Variants in HNRNPUL1 observed in about 807,000 individuals in gnomAD.
HNRNPUL1 encodes heterogeneous nuclear ribonucleoprotein U-like protein 1.
HNRNPUL1 carries 14 observed loss-of-function variants against 108.5 expected under a neutral mutation model. That is an observed-to-expected ratio of 0.13 (90% CI 0.09 to 0.20). The LOEUF (loss-of-function observed/expected upper bound fraction) is 0.20. Among genes scored for constraint, HNRNPUL1 ranks in the 10% least tolerant of loss-of-function variants. HNRNPUL1 has a pLI of 1.00. For synonymous variants in HNRNPUL1, 422 were observed against 445.2 expected, an observed-to-expected ratio of 0.95 and a Z score of 0.66; for missense variants, 804 against 1,168.3, an observed-to-expected ratio of 0.69 and a Z score of 4.55.
upstream of HNRNPUL1, chr19:41,264,279 C>T (rs1415815540): frequency 2.5e-6 from 1 of 399,900 alleles, no homozygotes; most frequent in Non-Finnish European, 4.4e-6. Flanking sequence ...GCTAGGTTTC[C>T]GGGCCCGCGC....
intron 7 of HNRNPUL1, among the ~76,000 whole-genome samples, chr19:41,281,933 C>A (rs1434772687): frequency 1.3e-5 from 2 of 152,174 alleles, no homozygotes; most frequent in Admixed American, 1.3e-4. Context: ...AATCTTTGCA[C>A]CTACCTCAGA....
In HNRNPUL1 at chr19:41,274,652, CA is replaced by C. The variant is rs571730716; in HGVS notation, c.646+599del. Among the ~76,000 whole-genome samples, 62 of 152,292 alleles carry C rather than the reference CA, an allele frequency of 4.1e-4. 2 individuals carry two copies. The South Asian group carries it at 9.8e-3, about 24-fold the overall frequency. ...GGTCCTTTCGCTCAGACCTCCTAGTCAAGAGTCTAAGTGGTCGAGCCTATGA... is the reference window on the plus strand; with the variant it reads ...GGTCCTTTCGCTCAGACCTCCTAGTCAGAGTCTAAGTGGTCGAGCCTATGA... On this transcript the variant is annotated intron_variant, in intron 4 of 14. Coordinates refer to ENST00000392006, the MANE Select transcript of HNRNPUL1 (RefSeq NM_007040.6).
chr19:41,280,921 GCAGAGTT>G, intron 6 of HNRNPUL1: 1 of 462,968 alleles, frequency 2.2e-6, no homozygotes, highest in Non-Finnish European at 4.0e-6. Context: ...TCCCCTCTGT[GCAGAGTT>G]ATTCAGTTGA....
At chr19:41,288,873 G>A (rs529551745) in intron 7 of HNRNPUL1, among the ~76,000 whole-genome samples, 1 of 152,180 alleles carries the variant, frequency 6.6e-6, no homozygotes, top group South Asian at 2.1e-4. Flanking sequence ...GATCTCCTGT[G>A]CAATTTAGCC....
chr19:41,271,442 C>G (rs976571818), intron 2 of HNRNPUL1, among the ~76,000 whole-genome samples: 1 of 152,128 alleles, frequency 6.6e-6, no homozygotes, highest in Non-Finnish European at 1.5e-5. Context: ...GGTCCACATG[C>G]CGAAGCTGGG....
chr19:41,293,158 A>T (rs1173832123), intron 8 of HNRNPUL1, among the ~76,000 whole-genome samples: 1 of 152,186 alleles, frequency 6.6e-6, no homozygotes, highest in Non-Finnish European at 1.5e-5. Context: ...TCTTAAAACA[A>T]TATTTTTCTT....
rs1202777374 is a variant in HNRNPUL1, at chr19:41,264,425, T to G, written c.-79T>G. 8 of 1,201,362 alleles carry G rather than the reference T, an allele frequency of 6.7e-6. No individual in the cohort carries two copies. In the African/African-American group the frequency reaches 1.3e-4, roughly 19 times the overall value. 74.4% of individuals were successfully genotyped at this position (1,201,362 alleles called of 1,614,324 possible). On this transcript the variant is annotated 5_prime_UTR_variant, in exon 1 of 15. Transcript: ENST00000392006. ...GGCCCCCCCCCTTTCCCCCTTCGCCTCCTGACAGGAAAGGTTTAAGGGGGA... is the reference window on the plus strand; with the variant it reads ...GGCCCCCCCCCTTTCCCCCTTCGCCGCCTGACAGGAAAGGTTTAAGGGGGA...
rs760928638 is a variant in HNRNPUL1 at position 41,302,960 on chromosome 19, TCA to T, written c.1972+18_1972+19del. 3.9e-6 allele frequency: 6 copies of T among 1,519,484 alleles called. No individual in the cohort carries two copies. Among genetic ancestry groups the T allele is most frequent in the South Asian group, 1.3e-5 (1 of 75,264 alleles). The allele number at this position is 1,519,484 out of a possible 1,614,324, so 94.1% of individuals were successfully genotyped here. On this transcript the variant is annotated intron_variant, in intron 12 of 14. Transcript: ENST00000392006. The stretch of plus-strand genomic sequence containing the variant: ...GCAACTACCGAGGAGGTGAGACATC[TCA>T]CACACAGCACTCTCCACTTTCTGTT...
chr19:41,305,813 G>T lies in HNRNPUL1; in HGVS notation c.2400G>T (p.Pro800=). 2 of 1,237,246 alleles carry T rather than the reference G, an allele frequency of 1.6e-6. No individual in the cohort carries two copies. Among genetic ancestry groups the T allele is most frequent in the Non-Finnish European group, 2.3e-6 (2 of 875,432 alleles). 76.6% of individuals were successfully genotyped at this position (1,237,246 alleles called of 1,614,324 possible). The change falls in exon 14 of 15, where the codon CCG becomes CCT. Residue 800 remains proline (P), a synonymous_variant. Coordinates refer to ENST00000392006, the MANE Select transcript of HNRNPUL1 (RefSeq NM_007040.6). Reference sequence around the variant, plus strand: ...ACAACCCGGCCCCCTATACCCCACCGCCACCCCCCACTGCACAGACCTACC... The same window carrying T: ...ACAACCCGGCCCCCTATACCCCACCTCCACCCCCCACTGCACAGACCTACC... The part of the protein sequence containing the change: ...GGYNPAPYTP[P]PPPTAQTYPQ...
At chr19:41,282,726 G>A (rs1186678164) in intron 7 of HNRNPUL1, among the ~76,000 whole-genome samples, 1 of 134,430 alleles carries the variant, frequency 7.4e-6, no homozygotes, top group African/African-American at 2.8e-5. Flanking sequence ...GTCTCGCTCT[G>A]TCGCCCAGGC....
Position 41,279,190 on chromosome 19 carries a change from A to G in HNRNPUL1, c.886+14A>G, listed in dbSNP as rs1191495869. On this transcript the variant is annotated intron_variant, in intron 6 of 14. Coordinates refer to ENST00000392006, the MANE Select transcript of HNRNPUL1 (RefSeq NM_007040.6). ...GCACCCAGCTAGGTAAGGAGGGGTC[A>G]GCTATGCAGTCCAGAGAATAGAGTG... 1.3e-6 allele frequency: 2 copies of G among 1,563,396 alleles called. No individual in the cohort carries two copies. The highest frequency in any genetic ancestry group is 1.8e-6 in the Non-Finnish European group (2 of 1,136,280).
chr19:41,290,087 G>C (rs955789316), intron 7 of HNRNPUL1, among the ~76,000 whole-genome samples: 14 of 152,146 alleles, frequency 9.2e-5, no homozygotes, highest in Non-Finnish European at 1.5e-5. Flanking sequence ...GCTGTGCCCT[G>C]TGAGCACTGA....
chr19:41,270,593 CTT>C (rs71177707), intron 2 of HNRNPUL1, among the ~76,000 whole-genome samples: 7 of 118,822 alleles, frequency 5.9e-5, no homozygotes, highest in Non-Finnish European at 5.0e-5. Flanking sequence ...TCTCCCTTCC[CTT>C]TTTTTTTTTT....
At chr19:41,282,351 T>A (rs2122660697) in intron 7 of HNRNPUL1, among the ~76,000 whole-genome samples, 1 of 152,138 alleles carries the variant, frequency 6.6e-6, no homozygotes, top group Admixed American at 6.5e-5. Context: ...CCCAACTAAT[T>A]TTGTATTTTT....
chr19:41,292,640 A>G lies in HNRNPUL1; in HGVS notation c.1266+129A>G, dbSNP rs2036657069. 3 of 1,157,892 alleles carry G rather than the reference A, an allele frequency of 2.6e-6. No individual in the cohort carries two copies. Among genetic ancestry groups the G allele is most frequent in the Non-Finnish European group, 2.5e-6 (2 of 799,168 alleles). 71.7% of individuals were successfully genotyped at this position (1,157,892 alleles called of 1,614,324 possible). ...AGTGGCCACTTTGTCCCAGCTCCTC[A>G]GGGTTGGACTCAGAGCTGAAAAGCT... On this transcript the variant is annotated intron_variant, in intron 8 of 14. Coordinates refer to ENST00000392006, the MANE Select transcript of HNRNPUL1 (RefSeq NM_007040.6). This position sits in a 1 kb window ranked among gnomAD's most constrained non-coding sequence, Gnocchi z 4.1.
rs775660344 is a variant in HNRNPUL1 at position 41,306,600 on chromosome 19, C to T, written c.*35C>T. 25 of 1,356,594 alleles carry T rather than the reference C, an allele frequency of 1.8e-5. No individual in the cohort carries two copies. Among genetic ancestry groups the T allele is most frequent in the African/African-American group, 4.5e-5 (3 of 66,564 alleles). The allele number at this position is 1,356,594 out of a possible 1,614,324, so 84.0% of individuals were successfully genotyped here. ...CCCAGAGGCTCCCGGAGGCCCCTGC[C>T]GGCTTCCTCCACCAGCGCCTGCCTC... On this transcript the variant is annotated 3_prime_UTR_variant, in exon 15 of 15. Coordinates refer to ENST00000392006, the MANE Select transcript of HNRNPUL1 (RefSeq NM_007040.6).
At chr19:41,275,412 A>G (rs1301729830) in intron 4 of HNRNPUL1, among the ~76,000 whole-genome samples, 3 of 152,110 alleles carry the variant, frequency 2.0e-5, no homozygotes, top group Non-Finnish European at 4.4e-5. Flanking sequence ...GCTTAAGCGC[A>G]GGAGAACAGA....
In HNRNPUL1 at chr19:41,292,417, G is replaced by C. The variant is rs766697507; in HGVS notation, c.1172G>C (p.Cys391Ser). Residue 391 changes from cysteine (C) to serine (S), a missense_variant, in exon 8 of 15, where the codon TGT becomes TCT. Coordinates refer to ENST00000392006, the MANE Select transcript of HNRNPUL1 (RefSeq NM_007040.6). This position sits in a 1 kb window ranked among gnomAD's most constrained non-coding sequence, Gnocchi z 4.1. ...FNFGQRAEPY[C>S]SVLPGFTFIQ... ...TTCGGACAGAGAGCAGAGCCCTACTGTTCTGTCCTCCCGGGGTTTACCTTC... is the reference window on the plus strand; with the variant it reads ...TTCGGACAGAGAGCAGAGCCCTACTCTTCTGTCCTCCCGGGGTTTACCTTC... 1 of 1,614,232 alleles carries C rather than the reference G, an allele frequency of 6.2e-7. No homozygotes were observed. The highest frequency in any genetic ancestry group is 1.7e-5 in the Admixed American group (1 of 60,028).
At chr19:41,264,995 G>A (rs1001246963) in intron 1 of HNRNPUL1, 197 bp downstream of exon 1, 2 of 1,394,852 alleles carry the variant, frequency 1.4e-6, no homozygotes, top group South Asian at 1.6e-5. Context: ...AGTGCAGGGG[G>A]GACACTGGGG....
Sources: gnomAD v4.1 joint callset for allele counts (sites outside exome capture counted in the v4.1 genomes callset) on GRCh38, gnomAD v4.1.1 for gene constraint, Gnocchi (gnomAD v3.1) non-coding constraint, MANE v1.5 for transcripts, NCBI Gene and HGNC (gene_info 2026-07-23, HGNC 2026-07-21) for gene names.